Variants in CDIN1 observed in about 807,000 individuals in gnomAD.
CDIN1 encodes the protein CDAN1 interacting nuclease 1, also known as CDAN1-interacting nuclease 1.
In CDIN1, 33 loss-of-function variants were observed where a neutral mutation model predicts 45.3. The observed-to-expected ratio is 0.73, with a 90% confidence interval of 0.55 to 0.97. The LOEUF is 0.97. CDIN1 is among the 50% of genes least tolerant of loss of function. The pLI is 0.00. For synonymous variants in CDIN1, 118 were observed against 124.4 expected (o/e 0.95, Z 0.34); for missense variants, 303 against 339.4 (o/e 0.89, Z 0.84).
chr15:36,705,976 A>AT (rs1394864180), intron 8 of CDIN1: 2 of 151,922 alleles, frequency 1.3e-5, no homozygotes, highest in African/African-American at 2.4e-5. Flanking sequence ...AATCTTTATC[A>AT]TTTTTTTCTT....
At chr15:36,761,946 G>A (rs1487795913) in intron 10 of CDIN1, among the ~76,000 whole-genome samples, 1 of 152,210 alleles carries the variant, frequency 6.6e-6, no homozygotes. Flanking sequence ...AGCTGTGACT[G>A]TGGAGTTCCT....
At chr15:36,731,406 G>A (rs2043829099) in intron 10 of CDIN1, among the ~76,000 whole-genome samples, 1 of 151,844 alleles carries the variant, frequency 6.6e-6, no homozygotes, top group Non-Finnish European at 1.5e-5. Context: ...ACTTCATATG[G>A]TTCCATTTAA....
intron 1 of CDIN1, among the ~76,000 whole-genome samples, chr15:36,610,783 C>A (rs1426108803): frequency 6.6e-6 from 1 of 152,156 alleles, no homozygotes; most frequent in Non-Finnish European, 1.5e-5. Context: ...AATGACAAAT[C>A]ATTCCAGCAA....
rs116578966 is a variant in CDIN1, at chr15:36,693,117, G to A, written c.476+942G>A. On this transcript the variant is annotated intron_variant, in intron 7 of 10. Coordinates refer to ENST00000566621, the MANE Select transcript of CDIN1 (RefSeq NM_001321759.2). ...GTTGGAAACTCCTGCTAGTCAAATC[G>A]TGTACATGTATGTGTTTATATTCCA... Among the ~76,000 whole-genome samples, 532 of 152,182 alleles carry A rather than the reference G, an allele frequency of 3.5e-3. 4 individuals carry two copies. Among genetic ancestry groups the A allele is most frequent in the African/African-American group, 0.01 (416 of 41,514 alleles).
Position 36,810,024 on chromosome 15 carries a change from G to A in CDIN1, c.*1571G>A, listed in dbSNP as rs1274634481. ...AATAGAATGATTTGAAACCACTACT[G>A]TATTGCCTGGATACACACACACACA... is the stretch of plus-strand genomic sequence containing the variant. On this transcript the variant is annotated 3_prime_UTR_variant, in exon 11 of 11. Transcript: ENST00000566621. The A allele has an allele frequency of 8.1e-6, 1 of 124,152 alleles. No individual in the cohort carries two copies. The highest frequency in any genetic ancestry group is 1.7e-5 in the Non-Finnish European group (1 of 58,586). The allele number at this position is 124,152 out of a possible 1,614,324, so 7.7% of individuals were successfully genotyped here.
intron 5 of CDIN1, among the ~76,000 whole-genome samples, chr15:36,665,245 TA>T (rs1458427451): frequency 6.6e-6 from 1 of 152,212 alleles, no homozygotes; most frequent in African/African-American, 2.4e-5. Context: ...TGATAAATAT[TA>T]ACGGTAATGA....
At position 36,644,397 on chromosome 15, in the gene CDIN1, A is replaced by G. The variant is rs1199306908; in HGVS notation, c.147+74A>G. The stretch of plus-strand genomic sequence containing the variant: ...ATGAATGTCCCTTTATTTCTTTGTA[A>G]TTGAACTGCCAGCTCTCTGATTGGG... On this transcript the variant is annotated intron_variant, in intron 2 of 10. Coordinates refer to ENST00000566621, the MANE Select transcript of CDIN1 (RefSeq NM_001321759.2). 7 of 1,458,274 alleles carry G rather than the reference A, an allele frequency of 4.8e-6. No homozygotes were observed. In the Admixed American group the frequency reaches 7.7e-5, roughly 16 times the overall value. The allele number at this position is 1,458,274 out of a possible 1,614,324, so 90.3% of individuals were successfully genotyped here. A position where few individuals can be genotyped will look rare whatever the true frequency, so the allele number is the denominator to read the frequency against.
At chr15:36,613,790 C>G (rs950037485) in intron 1 of CDIN1, 2 of 1,602,644 alleles carry the variant, frequency 1.2e-6, no homozygotes, top group Non-Finnish European at 1.7e-6. Flanking sequence ...AAAGATAGAA[C>G]TCCAGGAAAT....
At chr15:36,674,209 T>G (rs909531383) in intron 5 of CDIN1, among the ~76,000 whole-genome samples, 1 of 152,170 alleles carries the variant, frequency 6.6e-6, no homozygotes, top group Non-Finnish European at 1.5e-5. Context: ...CGGCGAATCC[T>G]CTGCTGCAAA....
chr15:36,739,224 T>A (rs987750009), intron 10 of CDIN1, among the ~76,000 whole-genome samples: 1 of 152,140 alleles, frequency 6.6e-6, no homozygotes, highest in African/African-American at 2.4e-5. Flanking sequence ...AGACCCTGTT[T>A]CAACAACAAC....
chr15:36,616,045 A>G (rs2038871267), intron 1 of CDIN1, among the ~76,000 whole-genome samples: 1 of 152,204 alleles, frequency 6.6e-6, no homozygotes, highest in Non-Finnish European at 1.5e-5. Context: ...GGATGTGTGT[A>G]CAGAAAAACA....
intron 5 of CDIN1, 79 bp from the exon 6 acceptor site, chr15:36,691,606 T>C: frequency 1.2e-6 from 1 of 867,970 alleles, no homozygotes; most frequent in Non-Finnish European, 1.8e-6. Flanking sequence ...TTTGTGTATA[T>C]GTAGATATAT....
At chr15:36,784,515 T>C (rs1359303356) in intron 10 of CDIN1, among the ~76,000 whole-genome samples, 1 of 152,246 alleles carries the variant, frequency 6.6e-6, no homozygotes. Flanking sequence ...CACTGGTCTT[T>C]TGCCCTTGTT....
rs182369551 is a variant in CDIN1, at chr15:36,712,358, C to T, written c.716+2397C>T. On this transcript the variant is annotated intron_variant, in intron 10 of 10. Coordinates refer to ENST00000566621, the MANE Select transcript of CDIN1 (RefSeq NM_001321759.2). ...TCGGCTCACTGAAACCTCCACCTCC[C>T]GGGTTCAAGTGATTCTCCTGCCTCA... Among the ~76,000 whole-genome samples the T allele has an allele frequency of 1.4e-3, 214 of 150,532 alleles. 2 individuals carry two copies. In the South Asian group the frequency reaches 0.018, roughly 13 times the overall value.
chr15:36,788,106 ATTTTTTT>A lies in CDIN1; in HGVS notation c.717-20197_717-20191del, dbSNP rs1172040193. Among the ~76,000 whole-genome samples, 232 of 50,264 alleles carry A rather than the reference ATTTTTTT, an allele frequency of 4.6e-3. 1 individual carries two copies. Among genetic ancestry groups the A allele is most frequent in the African/African-American group, 0.018 (224 of 12,658 alleles). 33.0% of individuals were successfully genotyped at this position (50,264 alleles called of 152,430 possible). On this transcript the variant is annotated intron_variant, in intron 10 of 10. Coordinates refer to ENST00000566621, the MANE Select transcript of CDIN1 (RefSeq NM_001321759.2). ...TATATATATATATATATATATATAT[ATTTTTTT>A]TTTTTTTTTTTTTTTTTTTTGAGAC...
intron 10 of CDIN1, among the ~76,000 whole-genome samples, chr15:36,740,584 T>C (rs1566943063): frequency 6.6e-6 from 1 of 152,128 alleles, no homozygotes; most frequent in Non-Finnish European, 1.5e-5. Context: ...CTTCAAATCA[T>C]GCTGAATATC....
At chr15:36,705,513 G>T (rs1466538862) in intron 8 of CDIN1, 1 of 152,106 alleles carries the variant, frequency 6.6e-6, no homozygotes, top group Non-Finnish European at 1.5e-5. Context: ...GATTTGAGAG[G>T]TCTAGGTCTT....
intron 10 of CDIN1, among the ~76,000 whole-genome samples, chr15:36,721,533 C>T (rs1056715412): frequency 6.6e-6 from 1 of 152,110 alleles, no homozygotes; most frequent in African/African-American, 2.4e-5. Flanking sequence ...GATCAGAGAA[C>T]AAATCTGAAT....
chr15:36,611,477 G>C (rs2038647244), intron 1 of CDIN1, among the ~76,000 whole-genome samples: 1 of 152,124 alleles, frequency 6.6e-6, no homozygotes. Context: ...ACATTGGTGG[G>C]TTTAATGAAA....
Sources: allele counts gnomAD v4.1 joint callset (sites outside exome capture counted in the v4.1 genomes callset), GRCh38; gene constraint gnomAD v4.1.1; transcripts MANE v1.5; gene names NCBI Gene and HGNC (gene_info 2026-07-23, HGNC 2026-07-21).